Variants in DDX19A observed in about 807,000 individuals in gnomAD.
DDX19A encodes the protein DEAD-box helicase 19A.
DDX19A carries 12 observed loss-of-function variants against 60.6 expected under a neutral mutation model. The ratio of observed to expected loss-of-function variants is 0.20; its 90% CI spans 0.13 to 0.32. The LOEUF (loss-of-function observed/expected upper bound fraction) is 0.32. DDX19A is among the 10% of genes least tolerant of loss of function. The pLI is 1.00. For missense variants in DDX19A, 337 were observed against 600.6 expected, an observed-to-expected ratio of 0.56 and a Z score of 4.59; for synonymous variants, 206 against 218.2, an observed-to-expected ratio of 0.94 and a Z score of 0.49.
chr16:70,356,035 G>T, intron 3 of DDX19A, 77 bp from the exon 4 acceptor site: 1 of 1,589,986 alleles, frequency 6.3e-7, no homozygotes, highest in Non-Finnish European at 8.6e-7. Flanking sequence ...TGCTAGTGTG[G>T]AGAGGGAGAA....
chr16:70,347,633 T>C (rs1364425727), intron 1 of DDX19A, among the ~76,000 whole-genome samples: 1 of 152,258 alleles, frequency 6.6e-6, no homozygotes, highest in Non-Finnish European at 1.5e-5. Flanking sequence ...TCTGTTCTTA[T>C]ATCTAAGACC....
chr16:70,348,212 A>T (rs780265444), intron 1 of DDX19A, among the ~76,000 whole-genome samples: 5 of 152,156 alleles, frequency 3.3e-5, no homozygotes, highest in Non-Finnish European at 5.9e-5. Flanking sequence ...ACTTGCTAAC[A>T]TAATAAAGGA....
chr16:70,370,577 T>G, intron 10 of DDX19A, 192 bp downstream of exon 10: 1 of 932,972 alleles, frequency 1.1e-6, no homozygotes, highest in Non-Finnish European at 1.5e-6. Context: ...CCAGGTGCGG[T>G]GGCTCATGCC....
intron 3 of DDX19A, 151 bp from the exon 4 acceptor site, chr16:70,355,961 A>G (rs1555552313): frequency 1.0e-6 from 1 of 994,728 alleles, no homozygotes; most frequent in Non-Finnish European, 1.5e-6. Flanking sequence ...CCCCATCTCT[A>G]AAATAAATAA....
chr16:70,371,311 A>G, intron 10 of DDX19A, 61 bp from the exon 11 acceptor site: 3 of 1,614,100 alleles, frequency 1.9e-6, no homozygotes, highest in African/African-American at 1.3e-5. Flanking sequence ...CTACCTATGG[A>G]TGACAGTGAT....
At chr16:70,369,453 C>A (rs1368907832) in intron 9 of DDX19A, among the ~76,000 whole-genome samples, 1 of 152,048 alleles carries the variant, frequency 6.6e-6, no homozygotes, top group Non-Finnish European at 1.5e-5. Flanking sequence ...GCTGGGATTA[C>A]AGGCATGAGC....
intron 10 of DDX19A, 73 bp downstream of exon 10, chr16:70,370,458 G>C: frequency 6.4e-7 from 1 of 1,563,764 alleles, no homozygotes; most frequent in Non-Finnish European, 8.7e-7. Context: ...AGAAATCCTT[G>C]TATACAGGGA....
rs537699457 is a variant in DDX19A, at chr16:70,365,035, A to T, written c.508A>T (p.Thr170Ser). Reference protein sequence around the residue: ...RYPQCLCLSPTYELALQTGKV... With the variant: ...RYPQCLCLSPSYELALQTGKV... ...CTGTCAGTGTCTGTGCCTCTCCCCA[A>T]CATATGAGCTGGCGCTTCAAACAGG... is the stretch of plus-strand genomic sequence containing the variant. The change falls in exon 7 of 12, where the codon ACA (threonine) becomes TCA (serine). Residue 170 changes from threonine to serine, a missense_variant. Coordinates refer to ENST00000302243, the MANE Select transcript of DDX19A (RefSeq NM_018332.5). The T allele has an allele frequency of 1.2e-5, 19 of 1,614,114 alleles. No homozygotes were observed. Among genetic ancestry groups the T allele is most frequent in the Non-Finnish European group, 1.6e-5 (19 of 1,179,978 alleles).
intron 2 of DDX19A, among the ~76,000 whole-genome samples, chr16:70,352,827 G>C (rs1432284171): frequency 6.6e-6 from 1 of 150,748 alleles, no homozygotes; most frequent in Non-Finnish European, 1.5e-5. Context: ...TAGTAGAGAT[G>C]GGGTTTCTCC....
intron 1 of DDX19A, among the ~76,000 whole-genome samples, chr16:70,349,675 G>C (rs1209023333): frequency 1.3e-5 from 2 of 152,168 alleles, no homozygotes; most frequent in Non-Finnish European, 2.9e-5. Context: ...CATTATCAAG[G>C]GCATGGTCCT....
intron 4 of DDX19A, among the ~76,000 whole-genome samples, chr16:70,358,000 A>G (rs946518356): frequency 6.6e-6 from 1 of 152,102 alleles, no homozygotes; most frequent in African/African-American, 2.4e-5. Context: ...ATCTTGAAGA[A>G]CAATTTTTTA....
At position 70,373,151 on chromosome 16, in the gene DDX19A, G is replaced by C. The variant is rs1161935013; in HGVS notation, c.*1165G>C. ...CTCGGGAGGCTGAGGTAGGAGGATC[G>C]CTTGAGCCTGGGTAGAGGCTGCTGT... is the stretch of plus-strand genomic sequence containing the variant. On this transcript the variant is annotated 3_prime_UTR_variant, in exon 12 of 12. Coordinates refer to ENST00000302243, the MANE Select transcript of DDX19A (RefSeq NM_018332.5). 1 of 152,172 alleles carries C rather than the reference G, an allele frequency of 6.6e-6. No homozygotes were observed. Among genetic ancestry groups the C allele is most frequent in the Non-Finnish European group, 1.5e-5 (1 of 68,052 alleles). The allele number at this position is 152,172 out of a possible 1,614,324, so 9.4% of individuals were successfully genotyped here.
chr16:70,351,337 C>T (rs1368490560), intron 2 of DDX19A, among the ~76,000 whole-genome samples: 2 of 151,790 alleles, frequency 1.3e-5, no homozygotes, highest in African/African-American at 4.8e-5. Flanking sequence ...TCCCAGGTAG[C>T]TGAGACTACA....
intron 2 of DDX19A, among the ~76,000 whole-genome samples, chr16:70,353,234 C>T (rs772233984): frequency 1.3e-4 from 20 of 151,730 alleles, no homozygotes; most frequent in Non-Finnish European, 2.4e-4. Context: ...TCTGTCTCTG[C>T]ATCCCGAGTA....
chr16:70,359,051 A>T (rs1964298635), intron 4 of DDX19A, among the ~76,000 whole-genome samples: 1 of 152,170 alleles, frequency 6.6e-6, no homozygotes, highest in Admixed American at 6.6e-5. Context: ...TCTCAGTTTA[A>T]CCACTGATGA....
intron 2 of DDX19A, 116 bp downstream of exon 2, chr16:70,350,721 C>T (rs1359895442): frequency 1.6e-5 from 12 of 730,740 alleles, no homozygotes; most frequent in African/African-American, 5.4e-5. Context: ...TGTTTACAAG[C>T]CAGTGAATTA....
Position 70,361,522 on chromosome 16 carries a change from G to C in DDX19A, c.386+12G>C, listed in dbSNP as rs767624577. The C allele has an allele frequency of 6.3e-7, 1 of 1,591,250 alleles. No individual in the cohort carries two copies. The highest frequency in any genetic ancestry group is 1.1e-5 in the South Asian group (1 of 90,600). On this transcript the variant is annotated intron_variant, in intron 5 of 11. Transcript: ENST00000302243. The stretch of plus-strand genomic sequence containing the variant: ...ATGCTTGCTGAACCGTGAGTATGCA[G>C]ATGAAGCGCATCTCACCCAGTGTGA...
intron 2 of DDX19A, among the ~76,000 whole-genome samples, chr16:70,353,421 A>T (rs919675230): frequency 4.6e-5 from 7 of 151,996 alleles, no homozygotes; most frequent in African/African-American, 1.4e-4. Flanking sequence ...GCCTTTTTTT[A>T]AAATTTTTTT....
intron 9 of DDX19A, 39 bp from the exon 10 acceptor site, chr16:70,370,183 CT>C: frequency 6.3e-7 from 1 of 1,598,374 alleles, no homozygotes; most frequent in Non-Finnish European, 8.5e-7. Context: ...AAAATATATA[CT>C]CAAATACTTT....
Sources: gnomAD v4.1 joint callset for allele counts (sites outside exome capture counted in the v4.1 genomes callset) on GRCh38, gnomAD v4.1.1 for gene constraint, MANE v1.5 for transcripts, NCBI Gene and HGNC (gene_info 2026-07-23, HGNC 2026-07-21) for gene names.